FUBP3: variants seen among roughly 807,000 people sequenced by gnomAD.
FUBP3 encodes the protein far upstream element-binding protein 3.
A neutral mutation model predicts 85.6 loss-of-function variants in FUBP3; 28 were observed. That is an observed-to-expected ratio of 0.33 (90% CI 0.24 to 0.45). The LOEUF (loss-of-function observed/expected upper bound fraction) is 0.45, where lower values mean the gene tolerates loss of function less well. FUBP3 is among the 20% of genes least tolerant of loss of function. The pLI is 1.00. For synonymous variants in FUBP3, 271 were observed against 271.4 expected, an observed-to-expected ratio of 1.00 and a Z score of 0.01; for missense variants, 583 against 755.1, an observed-to-expected ratio of 0.77 and a Z score of 2.67.
intron 18 of FUBP3, chr9:130,636,353 A>G: frequency 1.6e-6 from 1 of 639,116 alleles, no homozygotes; most frequent in South Asian, 1.7e-5. Context: ...TTGGGGGCGC[A>G]GCCCCTACAA....
chr9:130,611,642 C>T (rs1831749205), intron 3 of FUBP3, among the ~76,000 whole-genome samples: 2 of 149,442 alleles, frequency 1.3e-5, no homozygotes, highest in African/African-American at 4.9e-5. Context: ...TTTAAAAATG[C>T]TTGCCTTTTT....
At chr9:130,600,274 C>T (rs992379720) in intron 2 of FUBP3, among the ~76,000 whole-genome samples, 1 of 152,116 alleles carries the variant, frequency 6.6e-6, no homozygotes, top group Non-Finnish European at 1.5e-5. Flanking sequence ...GTGCACCTCT[C>T]CTAGCAGAGC....
Position 130,616,712 on chromosome 9 carries a change from G to T in FUBP3, c.567+195G>T, listed in dbSNP as rs576580115. On this transcript the variant is annotated intron_variant, in intron 7 of 18. Transcript: ENST00000319725. This position sits in a 1 kb window ranked among gnomAD's most constrained non-coding sequence, Gnocchi z 4.7. ...GGCCACGTCTGATGCCAAATATGAT[G>T]CCAAGTACTAGGGCAGGTGTGCCCT... Among the ~76,000 whole-genome samples, 140 of 152,336 alleles carry T rather than the reference G, an allele frequency of 9.2e-4. No homozygotes were observed. Among genetic ancestry groups the T allele is most frequent in the African/African-American group, 3.2e-3 (133 of 41,572 alleles).
rs765737321 is a variant in FUBP3 at position 130,595,533 on chromosome 9, A to G, written c.135A>G (p.Leu45=). 7.5e-6 allele frequency: 12 copies of G among 1,593,876 alleles called. No homozygotes were observed. The highest frequency in any genetic ancestry group is 1.0e-5 in the Non-Finnish European group (12 of 1,161,748). The change falls in exon 2 of 19, where the codon CTA becomes CTG. Residue 45 remains leucine, a synonymous_variant. Coordinates refer to ENST00000319725, the MANE Select transcript of FUBP3 (RefSeq NM_003934.2). ...SIPHLNNSTP[L]VDPSVYGYGV... is the part of the protein sequence containing the mutation. Reference sequence around the variant, plus strand: ...CTCACTTGAATAATTCCACACCTCTAGTGGACCCCTCAGTATATGGATACG... The same window carrying G: ...CTCACTTGAATAATTCCACACCTCTGGTGGACCCCTCAGTATATGGATACG...
chr9:130,606,741 AC>A (rs1306834533), intron 2 of FUBP3, among the ~76,000 whole-genome samples: 2 of 151,704 alleles, frequency 1.3e-5, no homozygotes, highest in Non-Finnish European at 2.9e-5. Context: ...AATCGCTTGA[AC>A]CCAGGAGGCA....
At chr9:130,588,011 T>C (rs955518558) in intron 1 of FUBP3, among the ~76,000 whole-genome samples, 1 of 152,348 alleles carries the variant, frequency 6.6e-6, no homozygotes, top group Admixed American at 6.5e-5. Flanking sequence ...ATTTCAATTA[T>C]TGCAAGTAAG....
intron 7 of FUBP3, among the ~76,000 whole-genome samples, chr9:130,617,187 A>G (rs565666919): frequency 1.1e-4 from 17 of 152,364 alleles, no homozygotes; most frequent in Non-Finnish European, 2.4e-4. Context: ...GAGAAAGGCA[A>G]AAAATACACT....
In FUBP3 at chr9:130,636,123, C is replaced by T. The variant is rs1305829596; in HGVS notation, c.1707C>T (p.Ser569=). The change falls in exon 18 of 19, where the codon AGC becomes AGT. Residue 569 remains serine, a synonymous_variant. Transcript: ENST00000319725. ...GQTLGQAQAH[S]QEQ Reference sequence around the variant, plus strand: ...CGTTAGGGCAGGCGCAGGCCCACAGCCAGGTCTGTAGCTGATCACCAGCAC... The same window carrying T: ...CGTTAGGGCAGGCGCAGGCCCACAGTCAGGTCTGTAGCTGATCACCAGCAC... 2 of 1,612,826 alleles carry T rather than the reference C, an allele frequency of 1.2e-6. No individual in the cohort carries two copies. The highest frequency in any genetic ancestry group is 2.2e-5 in the South Asian group (2 of 91,074).
At position 130,589,668 on chromosome 9, in the gene FUBP3, TGTGTGTGTA is replaced by T. The variant is rs1830499419; in HGVS notation, c.85-5814_85-5806del. Among the ~76,000 whole-genome samples the T allele has an allele frequency of 3.0e-5, 3 of 100,778 alleles. 1 individual carries two copies. Among genetic ancestry groups the T allele is most frequent in the Non-Finnish European group, 3.6e-5 (2 of 55,210 alleles). The allele number at this position is 100,778 out of a possible 152,430, so 66.1% of individuals were successfully genotyped here. A position where few individuals can be genotyped will look rare whatever the true frequency, so the allele number is the denominator to read the frequency against. On this transcript the variant is annotated intron_variant, in intron 1 of 18. Transcript: ENST00000319725. ...CAGATTTATTTTAAATATGTATGTA[TGTGTGTGTA>T]TATATATATATATATATATATATAT...
chr9:130,580,624 T>TG (rs1451156739), intron 1 of FUBP3: 1 of 152,212 alleles, frequency 6.6e-6, no homozygotes, highest in Non-Finnish European at 1.5e-5. Flanking sequence ...CTTTAAAAGT[T>TG]GGGCTATAAC....
chr9:130,583,425 T>C (rs1186605116), intron 1 of FUBP3, among the ~76,000 whole-genome samples: 1 of 152,208 alleles, frequency 6.6e-6, no homozygotes, highest in Non-Finnish European at 1.5e-5. Context: ...CCTCCATTCA[T>C]TGGCCAGTGG....
At chr9:130,606,185 A>G (rs945035299) in intron 2 of FUBP3, among the ~76,000 whole-genome samples, 1 of 152,166 alleles carries the variant, frequency 6.6e-6, no homozygotes, top group Non-Finnish European at 1.5e-5. Context: ...CCCTGGGGGA[A>G]AAGCTTTCTA....
intron 1 of FUBP3, among the ~76,000 whole-genome samples, chr9:130,590,393 C>G (rs1178875648): frequency 1.3e-5 from 2 of 152,174 alleles, no homozygotes; most frequent in Non-Finnish European, 2.9e-5. Flanking sequence ...CTCTGAGTTT[C>G]CACTAACTAC....
chr9:130,627,791 C>T (rs1336861787), intron 12 of FUBP3, among the ~76,000 whole-genome samples: 1 of 152,180 alleles, frequency 6.6e-6, no homozygotes, highest in African/African-American at 2.4e-5. Flanking sequence ...ATTTCTTGGC[C>T]TTTTGCAAAC....
At chr9:130,617,616 C>T (rs1188680359) in intron 7 of FUBP3, among the ~76,000 whole-genome samples, 181 bp from the exon 8 acceptor site, 2 of 152,240 alleles carry the variant, frequency 1.3e-5, no homozygotes, top group African/African-American at 2.4e-5. Context: ...TGGACATGGT[C>T]GTACCCGACC....
At chr9:130,622,332 A>AG (rs1320479379) in intron 9 of FUBP3, among the ~76,000 whole-genome samples, 1 of 150,378 alleles carries the variant, frequency 6.6e-6, no homozygotes, top group East Asian at 2.0e-4. Context: ...AAAAAAAAAA[A>AG]AAAAAAAAAA....
intron 12 of FUBP3, among the ~76,000 whole-genome samples, chr9:130,629,059 G>A (rs1247279905): frequency 2.0e-5 from 3 of 152,196 alleles, no homozygotes; most frequent in Admixed American, 6.5e-5. Flanking sequence ...GTGAGCCACC[G>A]CGCCTGGCCA....
chr9:130,609,038 C>G (rs981841974), intron 2 of FUBP3, among the ~76,000 whole-genome samples: 3 of 152,136 alleles, frequency 2.0e-5, no homozygotes, highest in Admixed American at 1.3e-4. Context: ...TTCTGAATGC[C>G]CTTTTTAGCA....
intron 1 of FUBP3, among the ~76,000 whole-genome samples, chr9:130,588,354 T>G (rs1830441355): frequency 6.6e-6 from 1 of 152,168 alleles, no homozygotes; most frequent in African/African-American, 2.4e-5. Flanking sequence ...ATTAGGAGGT[T>G]ACCCTGGTTG....
Sources: allele counts gnomAD v4.1 joint callset (sites outside exome capture counted in the v4.1 genomes callset), GRCh38; gene constraint gnomAD v4.1.1; non-coding constraint Gnocchi (gnomAD v3.1); transcripts MANE v1.5; gene names NCBI Gene and HGNC (gene_info 2026-07-23, HGNC 2026-07-21).